Variants in GPR89B observed in about 807,000 individuals in gnomAD.
GPR89B encodes G protein-coupled receptor 89B.
In GPR89B, 25 loss-of-function variants were observed where a neutral mutation model predicts 52.4. The ratio of observed to expected loss-of-function variants is 0.48; its 90% CI spans 0.35 to 0.67. The LOEUF is 0.67. Ranked by LOEUF, GPR89B falls within the 30% of genes least tolerant of loss-of-function variation. The pLI is 0.01. For synonymous variants in GPR89B, 52 were observed against 151.2 expected, an observed-to-expected ratio of 0.34 and a Z score of 4.81; for missense variants, 146 against 450.2, an observed-to-expected ratio of 0.32 and a Z score of 6.11.
chr1:147,969,705 T>G, intron 9 of GPR89B, 162 bp from the exon 10 acceptor site: 2 of 751,900 alleles, frequency 2.7e-6, no homozygotes, highest in South Asian at 1.9e-5. Flanking sequence ...AAAGCAAGCA[T>G]TCAGTAAATG....
At chr1:148,011,266 C>T in the GPR89B span, 4 of 152,162 alleles carry the variant, frequency 2.6e-5, 1 homozygote, top group South Asian at 8.3e-4. Context: ...AACCTGCCAC[C>T]TCTGGAATAT....
chr1:148,002,924 A>G, the GPR89B span, among the ~76,000 whole-genome samples: 2 of 152,062 alleles, frequency 1.3e-5, no homozygotes, highest in African/African-American at 2.4e-5. Context: ...CACCCCTACT[A>G]TGAGGGCTTC....
chr1:148,002,877 C>T, the GPR89B span, among the ~76,000 whole-genome samples: 2 of 152,168 alleles, frequency 1.3e-5, no homozygotes, highest in Non-Finnish European at 2.9e-5. Context: ...TCTACTTTCC[C>T]AAATCTATTC....
the GPR89B span, among the ~76,000 whole-genome samples, chr1:148,022,158 T>G: frequency 6.6e-6 from 1 of 151,920 alleles, no homozygotes; most frequent in South Asian, 2.1e-4. Context: ...TTACCATTTT[T>G]TACAGTTCCC....
intron 7 of GPR89B, 23 bp downstream of exon 7, chr1:147,954,425 C>T (rs1655949144): frequency 3.8e-6 from 1 of 260,602 alleles, no homozygotes; most frequent in African/African-American, 2.4e-5. Context: ...CACTGTAATA[C>T]ATTTGGACTC....
the GPR89B span, among the ~76,000 whole-genome samples, chr1:148,020,762 A>G: frequency 3.0e-3 from 453 of 152,034 alleles, 10 homozygotes; most frequent in African/African-American, 0.011. Context: ...ATCCTGGCTC[A>G]CTGCAACCTC....
At chr1:148,017,692 C>T in the GPR89B span, among the ~76,000 whole-genome samples, 3 of 150,096 alleles carry the variant, frequency 2.0e-5, no homozygotes, top group Admixed American at 2.0e-4. Context: ...GAGCCAAGAT[C>T]GGGCCACTGC....
intron 10 of GPR89B, among the ~76,000 whole-genome samples, chr1:147,981,360 G>A (rs1282793133): frequency 8.3e-5 from 12 of 144,984 alleles, no homozygotes; most frequent in African/African-American, 2.9e-4. Flanking sequence ...AAATTAATAG[G>A]GCATGGAAGT....
chr1:148,009,679 C>A, the GPR89B span: 16,291 of 648,874 alleles, frequency 0.025, 284 homozygotes, highest in Non-Finnish European at 0.035. Context: ...AATATCTGGC[C>A]CTGGAGATGC....
intron 1 of GPR89B, among the ~76,000 whole-genome samples, chr1:147,931,627 T>C (rs1369000282): frequency 5.9e-5 from 9 of 151,904 alleles, no homozygotes; most frequent in Non-Finnish European, 1.2e-4. Flanking sequence ...GATTTGGTAC[T>C]TGTGCTGGGT....
At chr1:147,985,241 ATGAAATCTACTTTG>A (rs1658579806) in intron 10 of GPR89B, among the ~76,000 whole-genome samples, 1 of 152,058 alleles carries the variant, frequency 6.6e-6, no homozygotes. Flanking sequence ...TATTTTTGCT[ATGAAATCTACTTTG>A]TCCGACATTA....
chr1:147,983,274 A>G (rs1227025681), intron 10 of GPR89B, among the ~76,000 whole-genome samples: 29 of 152,206 alleles, frequency 1.9e-4, no homozygotes, highest in Non-Finnish European at 2.1e-4. Flanking sequence ...CAAGGACTTC[A>G]TGTCTAAAAG....
At chr1:147,942,188 C>T (rs2149043252) in intron 3 of GPR89B, among the ~76,000 whole-genome samples, 1 of 151,662 alleles carries the variant, frequency 6.6e-6, no homozygotes, top group East Asian at 1.9e-4. Flanking sequence ...ATACAAATGG[C>T]CAGTAAGCAC....
At chr1:147,960,056 A>G (rs1292149867) in intron 7 of GPR89B, among the ~76,000 whole-genome samples, 1 of 149,086 alleles carries the variant, frequency 6.7e-6, no homozygotes, top group Non-Finnish European at 1.5e-5. Flanking sequence ...GCTCAAGCTC[A>G]GCAGAGAATA....
At chr1:147,932,027 A>T (rs1294797852) in intron 1 of GPR89B, among the ~76,000 whole-genome samples, 1 of 152,004 alleles carries the variant, frequency 6.6e-6, no homozygotes, top group Admixed American at 6.6e-5. Flanking sequence ...CCCACCATAT[A>T]AACTTAAAAT....
the GPR89B span, among the ~76,000 whole-genome samples, chr1:148,007,563 T>C: frequency 6.8e-6 from 1 of 148,006 alleles, no homozygotes; most frequent in Non-Finnish European, 1.5e-5. Flanking sequence ...AAATGTACAA[T>C]ACATTGTTGT....
chr1:148,003,537 C>T, the GPR89B span, among the ~76,000 whole-genome samples: 14 of 152,150 alleles, frequency 9.2e-5, no homozygotes, highest in Non-Finnish European at 1.6e-4. Context: ...TCCCCCTACC[C>T]CCGCCCCAGA....
At chr1:147,981,932 G>C (rs1434794058) in intron 10 of GPR89B, among the ~76,000 whole-genome samples, 1 of 151,714 alleles carries the variant, frequency 6.6e-6, no homozygotes, top group Non-Finnish European at 1.5e-5. Context: ...GATTATATCC[G>C]TGAGCCACCA....
At chr1:147,988,203 T>C (rs1333406364) in intron 11 of GPR89B, among the ~76,000 whole-genome samples, 2 of 151,920 alleles carry the variant, frequency 1.3e-5, no homozygotes, top group Admixed American at 6.6e-5. Flanking sequence ...AAAAATATTT[T>C]TTTAATTTTA....
Sources: gnomAD v4.1 joint callset for allele counts (sites outside exome capture counted in the v4.1 genomes callset) on GRCh38, gnomAD v4.1.1 for gene constraint, MANE v1.5 for transcripts, NCBI Gene and HGNC (gene_info 2026-07-23, HGNC 2026-07-21) for gene names.